Variants in ALOX5 observed in about 807,000 individuals in gnomAD.
ALOX5 encodes arachidonate 5-lipoxygenase, also known as polyunsaturated fatty acid 5-lipoxygenase.
In ALOX5, 64 loss-of-function variants were observed where a neutral mutation model predicts 87.9. The observed-to-expected ratio is 0.73, with a 90% CI of 0.60 to 0.90. The LOEUF (loss-of-function observed/expected upper bound fraction) is 0.90. Among genes scored for constraint, ALOX5 ranks in the 40% least tolerant of loss-of-function variants. The pLI is 0.00. For missense variants in ALOX5, 822 were observed against 907.5 expected (o/e 0.91, Z 1.21); for synonymous variants, 388 against 355.1 (o/e 1.09, Z -1.04).
Position 45,428,732 on chromosome 10 carries a change from C to T in ALOX5, c.949C>T (p.Leu317=), listed in dbSNP as rs761122303. 5 of 1,613,978 alleles carry T rather than the reference C, an allele frequency of 3.1e-6. No individual in the cohort carries two copies. Among genetic ancestry groups the T allele is most frequent in the Non-Finnish European group, 4.2e-6 (5 of 1,180,034 alleles). The change falls in exon 7 of 14, where the codon CTG becomes TTG. Residue 317 remains leucine, a synonymous_variant. Transcript: ENST00000374391. ...TCCCATCTGCTTGCTGTATAAGAACCTGGCCAACAAGATTGTCCCCATTGC... is the reference window on the plus strand; with the variant it reads ...TCCCATCTGCTTGCTGTATAAGAACTTGGCCAACAAGATTGTCCCCATTGC... The part of the protein sequence containing the change: ...AAPICLLYKN[L]ANKIVPIAIQ...
intron 4 of ALOX5, among the ~76,000 whole-genome samples, chr10:45,423,010 G>C (rs549939830): frequency 6.6e-6 from 1 of 152,118 alleles, no homozygotes; most frequent in Non-Finnish European, 1.5e-5. Context: ...ATCCCATCAC[G>C]GGTACCCCAC....
chr10:45,419,846 G>T (rs921756732), intron 4 of ALOX5, among the ~76,000 whole-genome samples: 1 of 152,236 alleles, frequency 6.6e-6, no homozygotes, highest in African/African-American at 2.4e-5. Context: ...CGGGCAGGGT[G>T]CCTGTGGAGG....
intron 6 of ALOX5, among the ~76,000 whole-genome samples, chr10:45,426,836 A>T (rs1182172468): frequency 6.6e-6 from 1 of 152,072 alleles, no homozygotes; most frequent in Non-Finnish European, 1.5e-5. Context: ...CCTTATGTGG[A>T]GGTAAAAAAT....
chr10:45,440,495 T>G lies in ALOX5; in HGVS notation c.1047T>G (p.Leu349=). The change falls in exon 8 of 14, where the codon CTT becomes CTG. Residue 349 remains leucine (L), a synonymous_variant. Transcript: ENST00000374391. The part of the protein sequence containing the change: ...FLPSDAKYDW[L]LAKIWVRSSD... ...CTTCGGATGCAAAATACGACTGGCT[T>G]TTGGCCAAAATCTGGGTGCGTTCCA... 1 of 1,614,248 alleles carries G rather than the reference T, an allele frequency of 6.2e-7. No individual in the cohort carries two copies. Among genetic ancestry groups the G allele is most frequent in the Non-Finnish European group, 8.5e-7 (1 of 1,180,036 alleles).
rs139253993 is a variant in ALOX5, at chr10:45,418,839, G to C, written c.555-5202G>C. Among the ~76,000 whole-genome samples, 707 of 152,370 alleles carry C rather than the reference G, an allele frequency of 4.6e-3. 2 individuals carry two copies. Among genetic ancestry groups the C allele is most frequent in the Middle Eastern group, 0.014 (4 of 294 alleles). On this transcript the variant is annotated intron_variant, in intron 4 of 13. Coordinates refer to ENST00000374391, the MANE Select transcript of ALOX5 (RefSeq NM_000698.5). ...TGCAGCCTGGAAGACGATTGCAGGG[G>C]GTGGCAGGGCTGAAAAGACAATGTC...
chr10:45,389,042 G>C (rs531677183), intron 2 of ALOX5, among the ~76,000 whole-genome samples: 1 of 152,200 alleles, frequency 6.6e-6, no homozygotes, highest in Non-Finnish European at 1.5e-5. Context: ...ACTATGTGAC[G>C]AATGCACAAG....
At chr10:45,393,352 C>A (rs535572370) in intron 2 of ALOX5, among the ~76,000 whole-genome samples, 10 of 152,256 alleles carry the variant, frequency 6.6e-5, no homozygotes, top group African/African-American at 1.7e-4. Context: ...AAGACAAAAA[C>A]CACATGATTA....
chr10:45,438,257 G>A (rs1289060070), intron 7 of ALOX5, among the ~76,000 whole-genome samples: 2 of 152,030 alleles, frequency 1.3e-5, no homozygotes, highest in Non-Finnish European at 2.9e-5. Flanking sequence ...CAGTTTTTAG[G>A]GGGATTGCTT....
chr10:45,382,368 A>T (rs2132676687), intron 1 of ALOX5, 115 bp from the exon 2 acceptor site: 1 of 1,077,310 alleles, frequency 9.3e-7, no homozygotes, highest in Non-Finnish European at 1.4e-6. Context: ...AGTGCTTTTC[A>T]TTCAACGTAG....
intron 7 of ALOX5, among the ~76,000 whole-genome samples, chr10:45,440,007 G>C (rs1163246084): frequency 6.6e-6 from 1 of 152,212 alleles, no homozygotes; most frequent in East Asian, 1.9e-4. Context: ...TTTCAGGGAA[G>C]AGGAGAGGGA....
intron 1 of ALOX5, among the ~76,000 whole-genome samples, chr10:45,379,663 G>C (rs1215517190): frequency 6.6e-6 from 1 of 152,200 alleles, no homozygotes; most frequent in African/African-American, 2.4e-5. Flanking sequence ...AAGGGGCACT[G>C]GTGGTTCTGA....
intron 2 of ALOX5, among the ~76,000 whole-genome samples, chr10:45,391,887 C>T (rs1237402900): frequency 7.0e-5 from 8 of 114,024 alleles, no homozygotes; most frequent in African/African-American, 2.1e-4. Flanking sequence ...GCCCGGCAGC[C>T]GCCCCTTCTG....
Position 45,376,013 on chromosome 10 carries a change from TC to T in ALOX5, c.150+1588del, listed in dbSNP as rs540115711. ...CTTCCCCTTTGTAAGTGCTTCCTCC[TC>T]CCCATTCTCCTCCACACATCATAAG... is the stretch of plus-strand genomic sequence containing the variant. On this transcript the variant is annotated intron_variant, in intron 1 of 13. Coordinates refer to ENST00000374391, the MANE Select transcript of ALOX5 (RefSeq NM_000698.5). Among the ~76,000 whole-genome samples the T allele has an allele frequency of 3.3e-3, 509 of 152,298 alleles. 2 individuals carry two copies. Among genetic ancestry groups the T allele is most frequent in the African/African-American group, 0.012 (481 of 41,572 alleles).
At chr10:45,398,083 C>G (rs182317163) in intron 3 of ALOX5, among the ~76,000 whole-genome samples, 56 of 152,244 alleles carry the variant, frequency 3.7e-4, no homozygotes, top group African/African-American at 1.2e-3. Flanking sequence ...TTGCACTTCT[C>G]AATATCAAAA....
At position 45,443,469 on chromosome 10, in the gene ALOX5, A is replaced by C. The variant is rs373344486; in HGVS notation, c.1505A>C (p.Glu502Ala). 12 of 1,612,738 alleles carry C rather than the reference A, an allele frequency of 7.4e-6. No individual in the cohort carries two copies. In the African/African-American group the frequency reaches 1.3e-4, roughly 18 times the overall value. The change falls in exon 11 of 14, where the codon GAG becomes GCG. Residue 502 changes from glutamate to alanine, a missense_variant. Coordinates refer to ENST00000374391, the MANE Select transcript of ALOX5 (RefSeq NM_000698.5). ...TACGAGGGCGACCAGGTGGTGGAGG[A>C]GGACCCGGAGCTGCAGGACTTCGTG... ...IYYEGDQVVE[E>A]DPELQDFVND... is the part of the protein sequence containing the mutation.
intron 1 of ALOX5, among the ~76,000 whole-genome samples, chr10:45,374,711 T>A (rs1406565115): frequency 6.6e-6 from 1 of 152,170 alleles, no homozygotes; most frequent in Non-Finnish European, 1.5e-5. Flanking sequence ...GCAAGGCGTC[T>A]TCCCTGGGAG....
Position 45,425,931 on chromosome 10 carries a change from C to A in ALOX5, c.834+799C>A, listed in dbSNP as rs1841687902. Among the ~76,000 whole-genome samples the A allele has an allele frequency of 6.6e-6, 1 of 152,200 alleles. No individual in the cohort carries two copies. Among genetic ancestry groups the A allele is most frequent in the African/African-American group, 2.4e-5 (1 of 41,452 alleles). ...GCCCTTTAGAGATAAACCTACAGCCCCAGTACCTGGCCCACCTGAATCTAG... is the reference window on the plus strand; with the variant it reads ...GCCCTTTAGAGATAAACCTACAGCCACAGTACCTGGCCCACCTGAATCTAG... On this transcript the variant is annotated intron_variant, in intron 6 of 13. Transcript: ENST00000374391. The surrounding 1 kb of genome is among the most constrained non-coding windows in gnomAD (Gnocchi z 4.4).
At chr10:45,444,056 G>C in intron 12 of ALOX5, 60 bp from the exon 13 acceptor site, 2 of 1,485,638 alleles carry the variant, frequency 1.3e-6, no homozygotes, top group Admixed American at 2.2e-5. Flanking sequence ...CGGGGCCCAG[G>C]GGGCAGCTGG....
In ALOX5 at chr10:45,443,498, G is replaced by A. The variant is rs768049838; in HGVS notation, c.1534G>A (p.Asp512Asn). ...EDPELQDFVN[D>N]VYVYGMRGRK... ...CCCGGAGCTGCAGGACTTCGTGAAC[G>A]ATGTCTACGTGTACGGCATGCGGGG... The change falls in exon 11 of 14, where the codon GAT becomes AAT. Residue 512 changes from aspartate (D) to asparagine (N), a missense_variant. By Grantham distance (23) the Asp-to-Asn change is conservative. Coordinates refer to ENST00000374391, the MANE Select transcript of ALOX5 (RefSeq NM_000698.5). 1.9e-6 allele frequency: 3 copies of A among 1,613,222 alleles called. No homozygotes were observed. The highest frequency in any genetic ancestry group is 2.5e-6 in the Non-Finnish European group (3 of 1,179,602).
Sources: allele counts gnomAD v4.1 joint callset (sites outside exome capture counted in the v4.1 genomes callset), GRCh38; gene constraint gnomAD v4.1.1; non-coding constraint Gnocchi (gnomAD v3.1); transcripts MANE v1.5; gene names NCBI Gene and HGNC (gene_info 2026-07-23, HGNC 2026-07-21).